The following UBE2E2 variants were observed in gnomAD, a reference collection of about 807,000 sequenced individuals.
UBE2E2 encodes the protein ubiquitin conjugating enzyme E2 E2, also known as ubiquitin-conjugating enzyme E2 E2.
In UBE2E2, 6 loss-of-function variants were observed where a neutral mutation model predicts 24.7. The ratio of observed to expected loss-of-function variants is 0.24; its 90% confidence interval spans 0.13 to 0.48. UBE2E2 has a LOEUF of 0.48. UBE2E2 is among the 20% of genes least tolerant of loss of function. The probability of loss-of-function intolerance (pLI) is 0.99; values close to 1 mark genes in which losing one functional copy is unlikely to be tolerated. For synonymous variants in UBE2E2, 104 were observed against 83.6 expected, an observed-to-expected ratio of 1.24 and a Z score of -1.33; for missense variants, 169 against 245.0, an observed-to-expected ratio of 0.69 and a Z score of 2.07.
At chr3:23,492,183 T>C (rs1699514022) in intron 3 of UBE2E2, among the ~76,000 whole-genome samples, 1 of 152,182 alleles carries the variant, frequency 6.6e-6, no homozygotes, top group Non-Finnish European at 1.5e-5. Context: ...TTCATTATTG[T>C]GTTGTATGCC....
chr3:23,398,312 C>A (rs539878582), intron 3 of UBE2E2, among the ~76,000 whole-genome samples: 46 of 109,716 alleles, frequency 4.2e-4, no homozygotes, highest in African/African-American at 6.3e-4. Flanking sequence ...GACTCCATCT[C>A]AAAAAAAAAA....
At chr3:23,428,833 A>G (rs1185054590) in intron 3 of UBE2E2, among the ~76,000 whole-genome samples, 1 of 150,614 alleles carries the variant, frequency 6.6e-6, no homozygotes, top group Non-Finnish European at 1.5e-5. Flanking sequence ...ACAGTTACTC[A>G]GGAGGATCAC....
At chr3:23,213,604 C>G (rs548842083) in intron 2 of UBE2E2, among the ~76,000 whole-genome samples, 1 of 152,002 alleles carries the variant, frequency 6.6e-6, no homozygotes, top group South Asian at 2.1e-4. Context: ...GTGGCACTGC[C>G]TTATGAAAAT....
chr3:23,303,234 G>A (rs1048092452), intron 3 of UBE2E2, among the ~76,000 whole-genome samples: 1 of 152,034 alleles, frequency 6.6e-6, no homozygotes, highest in African/African-American at 2.4e-5. Context: ...GCAGGAAGAC[G>A]AACTCAGGTC....
At chr3:23,287,625 G>A (rs183720090) in intron 3 of UBE2E2, among the ~76,000 whole-genome samples, 20 of 152,168 alleles carry the variant, frequency 1.3e-4, no homozygotes, top group Non-Finnish European at 2.9e-5. Context: ...TCAGGTTTTG[G>A]ATTTCTTCAT....
intron 3 of UBE2E2, among the ~76,000 whole-genome samples, chr3:23,352,117 C>T (rs1353961284): frequency 6.6e-6 from 1 of 152,128 alleles, no homozygotes; most frequent in Non-Finnish European, 1.5e-5. Flanking sequence ...ACTGAACATC[C>T]TGCTCCTGAA....
intron 3 of UBE2E2, among the ~76,000 whole-genome samples, chr3:23,464,868 T>G (rs1432729133): frequency 1.3e-5 from 2 of 152,208 alleles, no homozygotes; most frequent in Admixed American, 1.3e-4. Flanking sequence ...AATTACTAAG[T>G]GTTTTTCAAA....
chr3:23,518,841 G>T (rs1323012672), intron 4 of UBE2E2, among the ~76,000 whole-genome samples: 1 of 151,884 alleles, frequency 6.6e-6, no homozygotes, highest in Non-Finnish European at 1.5e-5. Context: ...TCTTGGTTTG[G>T]TCAGCTGTTA....
At chr3:23,321,559 C>G (rs12185989) in intron 3 of UBE2E2, among the ~76,000 whole-genome samples, 13 of 149,706 alleles carry the variant, frequency 8.7e-5, no homozygotes, top group African/African-American at 3.0e-4. Context: ...CTCTTCTACT[C>G]CTGGGACCTA....
In UBE2E2 at chr3:23,259,093, A is replaced by T. The variant is rs138747197; in HGVS notation, c.227+41781A>T. On this transcript the variant is annotated intron_variant, in intron 3 of 5. Transcript: ENST00000396703. ...TTAAAATTGAACATTGTAGTGGAAA[A>T]GACGTCACAAGTCACTTTAGGGTAT... Among the ~76,000 whole-genome samples, 741 of 152,216 alleles carry T rather than the reference A, an allele frequency of 4.9e-3. 6 individuals carry two copies. Among genetic ancestry groups the T allele is most frequent in the African/African-American group, 0.017 (709 of 41,534 alleles).
chr3:23,480,771 A>G (rs187784044), intron 3 of UBE2E2, among the ~76,000 whole-genome samples: 1 of 152,236 alleles, frequency 6.6e-6, no homozygotes, highest in Non-Finnish European at 1.5e-5. Context: ...ACTGAAGGGC[A>G]TTGACAAAAT....
Position 23,532,693 on chromosome 3 carries a change from G to T in UBE2E2, c.500G>T (p.Cys167Phe). The change falls in exon 5 of 6, where the codon TGC becomes TTC. Residue 167 changes from cysteine to phenylalanine, a missense_variant. Physicochemically the swap from Cys to Phe is radical, Grantham distance 205. Coordinates refer to ENST00000396703, the MANE Select transcript of UBE2E2 (RefSeq NM_152653.4). ...TCCATCTGCTCACTTCTTACAGATT[G>T]CAACCCTGGTAAGAGACTTTAAATC... ...LLSICSLLTD[C>F]NPADPLVGSI... is the part of the protein sequence containing the mutation. The T allele has an allele frequency of 6.5e-7, 1 of 1,535,198 alleles. No individual in the cohort carries two copies. The highest frequency in any genetic ancestry group is 1.3e-5 in the South Asian group (1 of 78,200).
chr3:23,251,040 G>A (rs1453622412), intron 3 of UBE2E2, among the ~76,000 whole-genome samples: 1 of 152,120 alleles, frequency 6.6e-6, no homozygotes, highest in Admixed American at 6.5e-5. Context: ...AAGATTATTT[G>A]TAAAGACAGG....
intron 2 of UBE2E2, among the ~76,000 whole-genome samples, chr3:23,211,851 G>A (rs1343862384): frequency 3.3e-5 from 5 of 152,134 alleles, no homozygotes; most frequent in Non-Finnish European, 7.4e-5. Flanking sequence ...AACTGATGCC[G>A]TCACTGATAG....
At chr3:23,358,286 C>A (rs1456869415) in intron 3 of UBE2E2, among the ~76,000 whole-genome samples, 2 of 149,284 alleles carry the variant, frequency 1.3e-5, no homozygotes, top group African/African-American at 4.9e-5. Context: ...TTCATTTCAA[C>A]AGAGCAAACA....
At chr3:23,433,983 A>G (rs1030144621) in intron 3 of UBE2E2, among the ~76,000 whole-genome samples, 5 of 152,090 alleles carry the variant, frequency 3.3e-5, no homozygotes, top group Admixed American at 2.6e-4. Context: ...ACTATTTATA[A>G]TATAGTGAAA....
At chr3:23,387,953 A>G (rs1419331576) in intron 3 of UBE2E2, among the ~76,000 whole-genome samples, 1 of 152,222 alleles carries the variant, frequency 6.6e-6, no homozygotes, top group African/African-American at 2.4e-5. Context: ...CAGAAGAGAC[A>G]TTTGGATGAA....
chr3:23,448,256 A>G (rs1698477487), intron 3 of UBE2E2, among the ~76,000 whole-genome samples: 1 of 152,166 alleles, frequency 6.6e-6, no homozygotes, highest in Admixed American at 6.5e-5. Flanking sequence ...TTCCACCCCT[A>G]GGAACTTAGG....
chr3:23,354,356 G>A lies in UBE2E2; in HGVS notation c.227+137044G>A, dbSNP rs1404509057. Among the ~76,000 whole-genome samples the A allele has an allele frequency of 2.6e-5, 4 of 152,252 alleles. No homozygotes were observed. The East Asian group carries it at 5.8e-4, about 22-fold the overall frequency. ...GGACTTCATGTCTAAAACACCAAAAGCAATGGCAACAAAAGCCAAAATTGA... is the reference window on the plus strand; with the variant it reads ...GGACTTCATGTCTAAAACACCAAAAACAATGGCAACAAAAGCCAAAATTGA... On this transcript the variant is annotated intron_variant, in intron 3 of 5. Coordinates refer to ENST00000396703, the MANE Select transcript of UBE2E2 (RefSeq NM_152653.4).
Sources: allele counts gnomAD v4.1 joint callset (sites outside exome capture counted in the v4.1 genomes callset), GRCh38; gene constraint gnomAD v4.1.1; transcripts MANE v1.5; gene names NCBI Gene and HGNC (gene_info 2026-07-23, HGNC 2026-07-21).